Variants in AGAP1 observed in about 807,000 individuals in gnomAD.
AGAP1 encodes arf-GAP with GTPase, ANK repeat and PH domain-containing protein 1.
A neutral mutation model predicts 105.3 loss-of-function variants in AGAP1; 29 were observed. The observed-to-expected ratio is 0.28, with a 90% CI of 0.21 to 0.38. The LOEUF (loss-of-function observed/expected upper bound fraction) is 0.38. Among genes scored for constraint, AGAP1 ranks in the 10% least tolerant of loss-of-function variants. AGAP1 has a pLI of 1.00. For synonymous variants in AGAP1, 509 were observed against 485.9 expected, an observed-to-expected ratio of 1.05 and a Z score of -0.63; for missense variants, 998 against 1,165.1, an observed-to-expected ratio of 0.86 and a Z score of 2.09.
At chr2:235,860,677 TAATA>T (rs2048891489) in intron 9 of AGAP1, among the ~76,000 whole-genome samples, 1 of 152,222 alleles carries the variant, frequency 6.6e-6, no homozygotes, top group Non-Finnish European at 1.5e-5. Flanking sequence ...TGTTTTTTTG[TAATA>T]AATGTTTCTG....
rs1258180383 is a variant in AGAP1 at position 235,660,750 on chromosome 2, T to C, written c.164-48429T>C. Among the ~76,000 whole-genome samples, 2 of 152,160 alleles carry C rather than the reference T, an allele frequency of 1.3e-5. No homozygotes were observed. The highest frequency in any genetic ancestry group is 2.9e-5 in the Non-Finnish European group (2 of 68,042). On this transcript the variant is annotated intron_variant, in intron 1 of 17. Coordinates refer to ENST00000304032, the MANE Select transcript of AGAP1 (RefSeq NM_001037131.3). This position sits in a 1 kb window ranked among gnomAD's most constrained non-coding sequence, Gnocchi z 5.3. ...ATCTTGGGATGCAATAGAAACAACC[T>C]CTGTTGGTTTTCAGCATTGGAGCAG...
intron 9 of AGAP1, among the ~76,000 whole-genome samples, chr2:235,836,478 G>A (rs1960175551): frequency 6.6e-6 from 1 of 152,184 alleles, no homozygotes; most frequent in Admixed American, 6.5e-5. Flanking sequence ...CTCGTGACTG[G>A]GGTTGCTTCA....
At chr2:235,831,197 A>AAAAC (rs1174858978) in intron 9 of AGAP1, among the ~76,000 whole-genome samples, 6 of 150,820 alleles carry the variant, frequency 4.0e-5, no homozygotes, top group African/African-American at 1.5e-4. Flanking sequence ...AAAAAAAAAA[A>AAAAC]AAAAACAGTA....
intron 1 of AGAP1, among the ~76,000 whole-genome samples, chr2:235,544,601 C>T (rs561933035): frequency 1.3e-3 from 197 of 152,312 alleles, no homozygotes; most frequent in Admixed American, 2.3e-3. Context: ...GGTGTCATCC[C>T]ATCAGTGGTC....
intron 1 of AGAP1, among the ~76,000 whole-genome samples, chr2:235,695,200 G>C (rs1430383953): frequency 4.6e-5 from 7 of 152,184 alleles, no homozygotes; most frequent in Non-Finnish European, 8.8e-5. Context: ...CAGGGTTTCA[G>C]CTTGATCACC....
rs982798462 is a variant in AGAP1 at position 236,096,874 on chromosome 2, C to T, written c.2115-23318C>T. Reference sequence around the variant, plus strand: ...GGATTACAGGCGTGAGCCACCCTGCCGGGCCAAATGATGCACTTTTAAACT... The same window carrying T: ...GGATTACAGGCGTGAGCCACCCTGCTGGGCCAAATGATGCACTTTTAAACT... On this transcript the variant is annotated intron_variant, in intron 16 of 17. Transcript: ENST00000304032. This position sits in a 1 kb window ranked among gnomAD's most constrained non-coding sequence, Gnocchi z 4.4. Among the ~76,000 whole-genome samples, 2 of 152,180 alleles carry T rather than the reference C, an allele frequency of 1.3e-5. No individual in the cohort carries two copies. The highest frequency in any genetic ancestry group is 4.8e-5 in the African/African-American group (2 of 41,430).
chr2:235,592,497 A>T (rs1036524196), intron 1 of AGAP1, among the ~76,000 whole-genome samples: 3 of 152,142 alleles, frequency 2.0e-5, no homozygotes, highest in African/African-American at 7.2e-5. Flanking sequence ...GGAGAGGCTC[A>T]TTTAGGGCTG....
At chr2:235,835,458 A>G (rs776703875) in intron 9 of AGAP1, among the ~76,000 whole-genome samples, 4 of 152,180 alleles carry the variant, frequency 2.6e-5, no homozygotes, top group African/African-American at 4.8e-5. Flanking sequence ...TAAACTTGTC[A>G]TCTTTTCAGA....
intron 6 of AGAP1, among the ~76,000 whole-genome samples, chr2:235,786,629 T>G (rs1015699381): frequency 1.3e-5 from 2 of 152,172 alleles, no homozygotes; most frequent in East Asian, 3.9e-4. Context: ...GGTAATTATT[T>G]TTGGAAATAG....
At chr2:235,786,855 T>A (rs1287963004) in intron 6 of AGAP1, among the ~76,000 whole-genome samples, 1 of 152,194 alleles carries the variant, frequency 6.6e-6, no homozygotes, top group Non-Finnish European at 1.5e-5. Context: ...AGGAGACCCC[T>A]AGAGTTCCAG....
At chr2:235,647,902 T>C (rs1300069472) in intron 1 of AGAP1, among the ~76,000 whole-genome samples, 6 of 151,970 alleles carry the variant, frequency 3.9e-5, no homozygotes, top group Non-Finnish European at 7.4e-5. Context: ...CGCCACTAAT[T>C]TCCCCCCTCT....
rs904648079 is a variant in AGAP1, at chr2:235,919,229, C to T, written c.1324+10323C>T. ...TGAGAACCGAGGCCTTGGGAAAGGG[C>T]TTCTGGTTCTTCCAGGCTAGAGTTG... On this transcript the variant is annotated intron_variant, in intron 11 of 17. Coordinates refer to ENST00000304032, the MANE Select transcript of AGAP1 (RefSeq NM_001037131.3). The surrounding 1 kb of genome is among the most constrained non-coding windows in gnomAD (Gnocchi z 4.1). 6.6e-6 allele frequency among the ~76,000 whole-genome samples: 1 copy of T among 152,180 alleles called. No individual in the cohort carries two copies. The highest frequency in any genetic ancestry group is 2.4e-5 in the African/African-American group (1 of 41,444).
rs939501853 is a variant in AGAP1, at chr2:235,725,199, G to T, written c.310+7555G>T. Among the ~76,000 whole-genome samples, 1 of 152,196 alleles carries T rather than the reference G, an allele frequency of 6.6e-6. No individual in the cohort carries two copies. Among genetic ancestry groups the T allele is most frequent in the African/African-American group, 2.4e-5 (1 of 41,452 alleles). On this transcript the variant is annotated intron_variant, in intron 3 of 17. Coordinates refer to ENST00000304032, the MANE Select transcript of AGAP1 (RefSeq NM_001037131.3). This position sits in a 1 kb window ranked among gnomAD's most constrained non-coding sequence, Gnocchi z 5.7. ...CCACCTGCAAGTCTTTGTTCCCGGG[G>T]TTAGCCTTGCCACCCTCCTTCAGGA...
At chr2:236,028,307 C>T (rs891711093) in intron 13 of AGAP1, among the ~76,000 whole-genome samples, 1 of 152,108 alleles carries the variant, frequency 6.6e-6, no homozygotes, top group Middle Eastern at 3.2e-3. Context: ...CTGAGCAGGC[C>T]ACCCTCAGGC....
chr2:235,898,231 G>T (rs1353654881), intron 10 of AGAP1, among the ~76,000 whole-genome samples: 1 of 152,162 alleles, frequency 6.6e-6, no homozygotes, highest in Non-Finnish European at 1.5e-5. Flanking sequence ...CCCATTTGCT[G>T]CAGGGTGCTA....
chr2:235,634,707 C>T (rs1409960730), intron 1 of AGAP1, among the ~76,000 whole-genome samples: 2 of 152,160 alleles, frequency 1.3e-5, no homozygotes, highest in East Asian at 3.9e-4. Flanking sequence ...GCTTTTTCCT[C>T]ATCAGATTTC....
chr2:236,075,205 G>A (rs1421468421), intron 16 of AGAP1, among the ~76,000 whole-genome samples: 1 of 152,190 alleles, frequency 6.6e-6, no homozygotes, highest in Non-Finnish European at 1.5e-5. Flanking sequence ...TCTTTCAGGG[G>A]TGGCAGAAAC....
Position 236,125,524 on chromosome 2 carries a change from G to A in AGAP1, c.*1402G>A, listed in dbSNP as rs187042075. ...ATTAGAAAGGAAAAAGAAGGAATGTGGTCTCTCATGATTGAAAGCATGATT... is the reference window on the plus strand; with the variant it reads ...ATTAGAAAGGAAAAAGAAGGAATGTAGTCTCTCATGATTGAAAGCATGATT... On this transcript the variant is annotated 3_prime_UTR_variant, in exon 18 of 18. Coordinates refer to ENST00000304032, the MANE Select transcript of AGAP1 (RefSeq NM_001037131.3). The surrounding 1 kb of genome is among the most constrained non-coding windows in gnomAD (Gnocchi z 5.2). The A allele has an allele frequency of 5.9e-4, 90 of 152,258 alleles. No homozygotes were observed. The highest frequency in any genetic ancestry group is 2.0e-3 in the African/African-American group (82 of 41,546). 9.4% of individuals were successfully genotyped at this position (152,258 alleles called of 1,614,324 possible).
At chr2:236,043,543 G>C (rs576187884) in intron 15 of AGAP1, among the ~76,000 whole-genome samples, 1 of 152,140 alleles carries the variant, frequency 6.6e-6, no homozygotes, top group South Asian at 2.1e-4. Context: ...CCTGGCCAGC[G>C]TGGTGAAACC....
Sources: allele counts gnomAD v4.1 joint callset (sites outside exome capture counted in the v4.1 genomes callset), GRCh38; gene constraint gnomAD v4.1.1; non-coding constraint Gnocchi (gnomAD v3.1); transcripts MANE v1.5; gene names NCBI Gene and HGNC (gene_info 2026-07-23, HGNC 2026-07-21).